Variants in ITGA2 observed in about 807,000 individuals in gnomAD.
ITGA2 encodes the protein integrin alpha-2.
Under a neutral mutation model 146.3 loss-of-function variants are expected in ITGA2, and 101 were observed. The ratio of observed to expected loss-of-function variants is 0.69; its 90% CI spans 0.59 to 0.81. ITGA2 has a LOEUF of 0.81. ITGA2 is among the 40% of genes least tolerant of loss of function. ITGA2 has a pLI of 0.00. For synonymous variants in ITGA2, 477 were observed against 487.1 expected (o/e 0.98, Z 0.27); for missense variants, 1,281 against 1,402.7 (o/e 0.91, Z 1.39).
chr5:53,006,663 C>G (rs73097484), intron 1 of ITGA2, among the ~76,000 whole-genome samples: 4,957 of 152,146 alleles, frequency 0.033, 278 homozygotes, highest in African/African-American at 0.11. Context: ...TATCAGTGAA[C>G]AAAATAGACA....
chr5:53,050,581 A>G (rs1455931961), intron 6 of ITGA2, among the ~76,000 whole-genome samples: 1 of 151,988 alleles, frequency 6.6e-6, no homozygotes, highest in Non-Finnish European at 1.5e-5. Flanking sequence ...CTCCTTACAT[A>G]CTGACCTGTA....
rs752781146 is a variant in ITGA2, at chr5:53,060,924, A to C, written c.1336A>C (p.Thr446Pro). The C allele has an allele frequency of 1.9e-6, 3 of 1,612,314 alleles. No homozygotes were observed. The highest frequency in any genetic ancestry group is 1.7e-5 in the Admixed American group (1 of 59,840). Residue 446 changes from threonine to proline, a missense_variant, in exon 12 of 30, where the codon ACT becomes CCT. Physicochemically the swap from Thr to Pro is conservative, Grantham distance 38. Around this residue, in one of 3 missense-constraint regions of ITGA2, gnomAD observed 795 missense variants for 841.7 expected, o/e 0.94. Coordinates refer to ENST00000296585, the MANE Select transcript of ITGA2 (RefSeq NM_002203.4). ...AGGTTACTCTGTGGCTGCAATTTCTACTGGAGAAAGCACTCACTTTGTTGC... is the reference window on the plus strand; with the variant it reads ...AGGTTACTCTGTGGCTGCAATTTCTCCTGGAGAAAGCACTCACTTTGTTGC... ...YLGYSVAAIS[T>P]GESTHFVAGA...
At chr5:53,079,140 G>A (rs868407502) in intron 24 of ITGA2, among the ~76,000 whole-genome samples, 3 of 152,042 alleles carry the variant, frequency 2.0e-5, no homozygotes. Context: ...TGCTGGTCCA[G>A]GTGCCATACT....
intron 1 of ITGA2, among the ~76,000 whole-genome samples, chr5:53,011,190 T>G (rs756217998): frequency 6.6e-6 from 1 of 152,162 alleles, no homozygotes; most frequent in Non-Finnish European, 1.5e-5. Context: ...AGAAAACTAA[T>G]GTATCCATTA....
chr5:53,091,001 C>CTTG lies in ITGA2; in HGVS notation c.*402_*403insTTG. On this transcript the variant is annotated 3_prime_UTR_variant, in exon 30 of 30. Coordinates refer to ENST00000296585, the MANE Select transcript of ITGA2 (RefSeq NM_002203.4). ...CTTTAAAATATTTGTCTTTAAACAG[C>CTTG]AACTACAGAAGTGGAAGTGCTTGAT... The CTTG allele has an allele frequency of 4.5e-6, 2 of 443,932 alleles. No homozygotes were observed. Among genetic ancestry groups the CTTG allele is most frequent in the South Asian group, 9.2e-5 (2 of 21,694 alleles). The allele number at this position is 443,932 out of a possible 1,614,324, so 27.5% of individuals were successfully genotyped here.
At position 53,062,818 on chromosome 5, in the gene ITGA2, A is replaced by T. The variant is rs750908749; in HGVS notation, c.1491A>T (p.Ser497=). 6.2e-7 allele frequency: 1 copy of T among 1,611,850 alleles called. No homozygotes were observed. Among genetic ancestry groups the T allele is most frequent in the Non-Finnish European group, 8.5e-7 (1 of 1,178,446 alleles). The change falls in exon 13 of 30, where the codon TCA becomes TCT. Residue 497 remains serine, a synonymous_variant. Coordinates refer to ENST00000296585, the MANE Select transcript of ITGA2 (RefSeq NM_002203.4). ...CCTATTTTGGTAGTGTGCTGTGTTC[A>T]GTTGATGTGGATAAAGACACCATTA... ...IGSYFGSVLC[S]VDVDKDTITD...
intron 1 of ITGA2, among the ~76,000 whole-genome samples, chr5:53,011,469 C>T (rs190141644): frequency 4.5e-4 from 69 of 152,206 alleles, no homozygotes; most frequent in Admixed American, 3.8e-3. Context: ...TGTTGCTGGT[C>T]ATCCTTTCTT....
intron 2 of ITGA2, among the ~76,000 whole-genome samples, chr5:53,035,807 A>G (rs1046072006): frequency 6.6e-6 from 1 of 152,168 alleles, no homozygotes; most frequent in Non-Finnish European, 1.5e-5. Flanking sequence ...TTATATTTAT[A>G]TACTATAGAC....
At chr5:53,082,115 TA>T (rs1745950044) in intron 26 of ITGA2, among the ~76,000 whole-genome samples, 1 of 152,224 alleles carries the variant, frequency 6.6e-6, no homozygotes, top group African/African-American at 2.4e-5. Flanking sequence ...TGATGTTTTT[TA>T]TTTAGCTGTG....
intron 26 of ITGA2, 85 bp downstream of exon 26, chr5:53,081,781 T>G: frequency 2.3e-6 from 2 of 883,290 alleles, no homozygotes; most frequent in Non-Finnish European, 3.7e-6. Context: ...TACCAGCTGA[T>G]ATCATAGAGC....
chr5:52,989,401 C>T lies in ITGA2; in HGVS notation c.-68C>T, dbSNP rs1197807555. On this transcript the variant is annotated 5_prime_UTR_variant, in exon 1 of 30. Transcript: ENST00000296585. ...AGAGTGTGCAGGTTCTCGTATCCCT[C>T]GGCCAAGGGTATCCTCTGCAAACCT... 1.1e-5 allele frequency: 17 copies of T among 1,528,924 alleles called. No homozygotes were observed. Among genetic ancestry groups the T allele is most frequent in the Non-Finnish European group, 1.5e-5 (17 of 1,102,438 alleles). The allele number at this position is 1,528,924 out of a possible 1,614,324, so 94.7% of individuals were successfully genotyped here.
At chr5:53,004,820 A>G (rs1024519775) in intron 1 of ITGA2, among the ~76,000 whole-genome samples, 6 of 150,784 alleles carry the variant, frequency 4.0e-5, no homozygotes, top group Admixed American at 1.3e-4. Flanking sequence ...TAAACCAAAC[A>G]TTGCAGAACT....
chr5:53,004,049 G>A (rs1741710524), intron 1 of ITGA2, among the ~76,000 whole-genome samples: 2 of 152,024 alleles, frequency 1.3e-5, no homozygotes, highest in South Asian at 4.2e-4. Context: ...TGTCTGGTCT[G>A]TGCATTGTAG....
intron 1 of ITGA2, among the ~76,000 whole-genome samples, chr5:53,000,897 G>GTTTTTTTTTTTTTTCTTTTTT (rs1741547373): frequency 1.0e-5 from 1 of 97,226 alleles, no homozygotes; most frequent in Non-Finnish European, 2.0e-5. Flanking sequence ...TTTTCTTTTT[G>GTTTTTTTTTTTTTTCTTTTTT]TTTTTTTTTT....
In ITGA2 at chr5:53,035,139, C is replaced by A. The variant is rs1000554614; in HGVS notation, c.186-6973C>A. Among the ~76,000 whole-genome samples the A allele has an allele frequency of 5.3e-5, 8 of 152,278 alleles. No individual in the cohort carries two copies. The East Asian group carries it at 1.5e-3, about 29-fold the overall frequency. ...GATGAAACAACCATCTGCCAAAGCA[C>A]CTAGTTGAAAGGTACTAGCTCATGA... On this transcript the variant is annotated intron_variant, in intron 2 of 29. Coordinates refer to ENST00000296585, the MANE Select transcript of ITGA2 (RefSeq NM_002203.4).
chr5:53,071,045 G>T (rs1201599412), intron 17 of ITGA2, among the ~76,000 whole-genome samples: 1 of 151,854 alleles, frequency 6.6e-6, no homozygotes, highest in Non-Finnish European at 1.5e-5. Flanking sequence ...CAGATCTAAG[G>T]AGCAACCCAA....
intron 12 of ITGA2, among the ~76,000 whole-genome samples, 158 bp from the exon 13 acceptor site, chr5:53,062,628 G>A (rs1655409546): frequency 6.6e-6 from 1 of 151,928 alleles, no homozygotes; most frequent in African/African-American, 2.4e-5. Context: ...GTTAGAACCT[G>A]AGGGAAGGAA....
At chr5:53,083,497 A>G in intron 27 of ITGA2, 44 bp downstream of exon 27, 3 of 1,191,022 alleles carry the variant, frequency 2.5e-6, no homozygotes, top group Non-Finnish European at 2.5e-6. Flanking sequence ...TAGCAAGGAA[A>G]CATAAGTCTG....
chr5:53,073,498 C>T (rs925524843), intron 20 of ITGA2, among the ~76,000 whole-genome samples: 2 of 151,890 alleles, frequency 1.3e-5, no homozygotes, highest in African/African-American at 2.4e-5. Context: ...AGTAGCCAGA[C>T]ACTCCCATAA....
Sources: gnomAD v4.1 joint callset for allele counts (sites outside exome capture counted in the v4.1 genomes callset) on GRCh38, gnomAD v4.1.1 for gene constraint, gnomAD v4.1.1 regional missense constraint, MANE v1.5 for transcripts, NCBI Gene and HGNC (gene_info 2026-07-23, HGNC 2026-07-21) for gene names.